The following PTPRM variants were observed in gnomAD, a reference collection of about 807,000 sequenced individuals.
The protein encoded by PTPRM is protein tyrosine phosphatase receptor type M.
In PTPRM, 47 loss-of-function variants were observed where a neutral mutation model predicts 186.7. The ratio of observed to expected loss-of-function variants is 0.25; its 90% CI spans 0.20 to 0.32. The LOEUF (loss-of-function observed/expected upper bound fraction) is 0.32. Ranked by LOEUF, PTPRM falls within the 10% of genes least tolerant of loss-of-function variation. The pLI, the probability that PTPRM is intolerant of heterozygous loss-of-function variation, is 1.00. For synonymous variants in PTPRM, 668 were observed against 674.9 expected, an observed-to-expected ratio of 0.99 and a Z score of 0.16; for missense variants, 1,494 against 1,865.0, an observed-to-expected ratio of 0.80 and a Z score of 3.66.
intron 1 of PTPRM, among the ~76,000 whole-genome samples, chr18:7,772,444 C>CCCTTCCTCCCTT (rs2042365360): frequency 1.1e-5 from 1 of 92,352 alleles, no homozygotes; most frequent in African/African-American, 5.2e-5. Context: ...CTTCCCCTTC[C>CCCTTCCTCCCTT]CCTTCCTTCC....
At chr18:7,662,837 A>G (rs959727155) in intron 1 of PTPRM, among the ~76,000 whole-genome samples, 1 of 152,160 alleles carries the variant, frequency 6.6e-6, no homozygotes, top group Non-Finnish European at 1.5e-5. Flanking sequence ...ATATACACCT[A>G]TCAGTATGGA....
chr18:8,252,455 C>T, intron 17 of PTPRM, 33 bp from the exon 18 acceptor site: 1 of 1,519,608 alleles, frequency 6.6e-7, no homozygotes, highest in Non-Finnish European at 9.1e-7. Flanking sequence ...TTTTTCTCCT[C>T]CTTTTTTCTC....
In PTPRM at chr18:8,235,456, C is replaced by CTT. The variant is rs58166609; in HGVS notation, c.2301-8580_2301-8579dup. Among the ~76,000 whole-genome samples the CTT allele has an allele frequency of 3.3e-3, 333 of 102,130 alleles. 1 individual carries two copies. The highest frequency in any genetic ancestry group is 9.4e-3 in the African/African-American group (235 of 25,002). The allele number at this position is 102,130 out of a possible 152,430, so 67.0% of individuals were successfully genotyped here. Reference sequence around the variant, plus strand: ...TTCTAATATGAGTAATCTGTGTCTTCTTTTTTTTTTTTTTTTTTTTTTTAG... The same window carrying CTT: ...TTCTAATATGAGTAATCTGTGTCTTCTTTTTTTTTTTTTTTTTTTTTTTTTAG... On this transcript the variant is annotated intron_variant, in intron 14 of 32. Coordinates refer to ENST00000580170, the MANE Select transcript of PTPRM (RefSeq NM_001105244.2).
chr18:7,580,795 A>G (rs1330050876), intron 1 of PTPRM, among the ~76,000 whole-genome samples: 1 of 152,204 alleles, frequency 6.6e-6, no homozygotes, highest in Non-Finnish European at 1.5e-5. Flanking sequence ...CTCCCCATAC[A>G]TACACAGAGT....
chr18:7,724,813 A>C (rs764979691), intron 1 of PTPRM, among the ~76,000 whole-genome samples: 3 of 152,160 alleles, frequency 2.0e-5, no homozygotes, highest in Non-Finnish European at 4.4e-5. Context: ...TGGGACTCTG[A>C]CTCATAATGT....
At chr18:7,594,416 G>A (rs989367288) in intron 1 of PTPRM, among the ~76,000 whole-genome samples, 4 of 151,910 alleles carry the variant, frequency 2.6e-5, no homozygotes, top group African/African-American at 7.3e-5. Flanking sequence ...GGAGGCAGAG[G>A]TTGCATTGAG....
intron 1 of PTPRM, among the ~76,000 whole-genome samples, chr18:7,590,105 C>A (rs1304292309): frequency 6.6e-6 from 1 of 152,116 alleles, no homozygotes; most frequent in Non-Finnish European, 1.5e-5. Context: ...GCATGGGTTT[C>A]CCCTGAGTGA....
chr18:8,244,861 C>T lies in PTPRM; in HGVS notation c.2452+652C>T, dbSNP rs1247528371. Among the ~76,000 whole-genome samples, 5 of 151,994 alleles carry T rather than the reference C, an allele frequency of 3.3e-5. No individual in the cohort carries two copies. The East Asian group carries it at 9.7e-4, about 29-fold the overall frequency. ...CTTTGTCCCTGGTAATCTCGGAGAC[C>T]AGAGGGAGATACCTCACTCTGTGGT... On this transcript the variant is annotated intron_variant, in intron 15 of 32. Coordinates refer to ENST00000580170, the MANE Select transcript of PTPRM (RefSeq NM_001105244.2).
intron 2 of PTPRM, among the ~76,000 whole-genome samples, chr18:7,834,528 A>ACACACACACACACACACACACACT (rs763752808): frequency 5.0e-4 from 73 of 146,224 alleles, no homozygotes; most frequent in African/African-American, 1.5e-3. Flanking sequence ...ACACACACAC[A>ACACACACACACACACACACACACT]CTTCCAGACT....
At chr18:8,048,417 A>C (rs1034232863) in intron 7 of PTPRM, among the ~76,000 whole-genome samples, 1 of 151,734 alleles carries the variant, frequency 6.6e-6, no homozygotes, top group East Asian at 1.9e-4. Flanking sequence ...CTGCCCTGCC[A>C]TTCCAGTTGT....
At chr18:7,950,597 T>G (rs1203347268) in intron 6 of PTPRM, among the ~76,000 whole-genome samples, 1 of 152,146 alleles carries the variant, frequency 6.6e-6, no homozygotes, top group African/African-American at 2.4e-5. Context: ...AATAATGTTA[T>G]CTACCTTACA....
chr18:7,761,359 A>G (rs929969536), intron 1 of PTPRM, among the ~76,000 whole-genome samples: 1 of 152,220 alleles, frequency 6.6e-6, no homozygotes, highest in Non-Finnish European at 1.5e-5. Flanking sequence ...CATAATATGT[A>G]ATTATTGACA....
chr18:8,207,277 A>C (rs2146916228), intron 14 of PTPRM, among the ~76,000 whole-genome samples: 1 of 152,332 alleles, frequency 6.6e-6, no homozygotes, highest in East Asian at 1.9e-4. Context: ...AAATTGGTAC[A>C]GTTTTGTGGG....
At chr18:8,185,466 A>C (rs2146636245) in intron 14 of PTPRM, among the ~76,000 whole-genome samples, 1 of 152,308 alleles carries the variant, frequency 6.6e-6, no homozygotes, top group African/African-American at 2.4e-5. Context: ...CGAGCCAGGC[A>C]GTGTGGTGTT....
At chr18:7,910,038 G>A (rs1178395921) in intron 4 of PTPRM, among the ~76,000 whole-genome samples, 2 of 152,116 alleles carry the variant, frequency 1.3e-5, no homozygotes, top group Non-Finnish European at 2.9e-5. Context: ...AATACATTAT[G>A]AGCTGTGCAT....
chr18:8,111,571 C>T (rs1304465264), intron 11 of PTPRM, among the ~76,000 whole-genome samples: 1 of 151,646 alleles, frequency 6.6e-6, no homozygotes, highest in Non-Finnish European at 1.5e-5. Context: ...CAAGATCGTG[C>T]CACTGCACTC....
At chr18:7,876,412 T>TA (rs1443769565) in intron 2 of PTPRM, among the ~76,000 whole-genome samples, 1 of 152,158 alleles carries the variant, frequency 6.6e-6, no homozygotes, top group African/African-American at 2.4e-5. Flanking sequence ...ATGCTCAAAA[T>TA]ACACATGAGT....
intron 18 of PTPRM, 87 bp downstream of exon 18, chr18:8,252,586 T>G: frequency 5.8e-6 from 7 of 1,202,762 alleles, no homozygotes; most frequent in Non-Finnish European, 8.7e-6. Context: ...AGCCAGCTGG[T>G]GCTGCTCTGT....
chr18:8,034,181 G>A (rs535411296), intron 7 of PTPRM, among the ~76,000 whole-genome samples: 2 of 151,762 alleles, frequency 1.3e-5, no homozygotes, highest in East Asian at 3.9e-4. Flanking sequence ...ACATTCACAG[G>A]TTTTGAGACA....
Sources: allele counts gnomAD v4.1 joint callset (sites outside exome capture counted in the v4.1 genomes callset), GRCh38; gene constraint gnomAD v4.1.1; transcripts MANE v1.5; gene names NCBI Gene and HGNC (gene_info 2026-07-23, HGNC 2026-07-21).